The following DNAJB6 variants were observed in gnomAD, a reference collection of about 807,000 sequenced individuals.
The protein encoded by DNAJB6 is dnaJ homolog subfamily B member 6.
A neutral mutation model predicts 42.7 loss-of-function variants in DNAJB6; 16 were observed. That is an observed-to-expected ratio of 0.37 (90% CI 0.25 to 0.57). The LOEUF (loss-of-function observed/expected upper bound fraction) is 0.57, where lower values mean the gene tolerates loss of function less well. Ranked by LOEUF, DNAJB6 falls within the 20% of genes least tolerant of loss-of-function variation. The pLI, the probability that DNAJB6 is intolerant of heterozygous loss-of-function variation, is 0.74. For missense variants in DNAJB6, 347 were observed against 416.8 expected (o/e 0.83, Z 1.46); for synonymous variants, 170 against 163.5 (o/e 1.04, Z -0.30).
chr7:157,410,775 T>G (rs1223837518), intron 9 of DNAJB6: 2 of 152,200 alleles, frequency 1.3e-5, no homozygotes, highest in African/African-American at 4.8e-5. Flanking sequence ...ATCCCTGGGT[T>G]TGGGGGACCG....
At chr7:157,371,122 A>G (rs1800188452) in intron 5 of DNAJB6, among the ~76,000 whole-genome samples, 1 of 152,170 alleles carries the variant, frequency 6.6e-6, no homozygotes, top group Admixed American at 6.5e-5. Context: ...TAGGTTGCGC[A>G]TTCCTCATCA....
At chr7:157,405,309 T>C (rs548580570) in intron 8 of DNAJB6, among the ~76,000 whole-genome samples, 1 of 152,100 alleles carries the variant, frequency 6.6e-6, no homozygotes, top group East Asian at 1.9e-4. Context: ...GTGTGCTGAG[T>C]TGTGTGTTCC....
At chr7:157,340,720 A>G (rs1333209879) in intron 1 of DNAJB6, among the ~76,000 whole-genome samples, 1 of 152,208 alleles carries the variant, frequency 6.6e-6, no homozygotes, top group African/African-American at 2.4e-5. Context: ...TCTGTGTCCC[A>G]GGCTGGAGTG....
intron 1 of DNAJB6, among the ~76,000 whole-genome samples, chr7:157,357,288 G>GTCCTTCCTTCCT (rs71717756): frequency 1.6e-4 from 5 of 32,170 alleles, no homozygotes; most frequent in Admixed American, 4.4e-4. Flanking sequence ...CCTTCCTTCC[G>GTCCTTCCTTCCT]TCCTTCCTTC....
intron 2 of DNAJB6, among the ~76,000 whole-genome samples, chr7:157,362,322 A>T (rs1563122258): frequency 6.6e-6 from 1 of 152,084 alleles, no homozygotes; most frequent in Non-Finnish European, 1.5e-5. Flanking sequence ...ACATGGAAGG[A>T]TATGAATGGT....
At chr7:157,403,595 C>G (rs1795621614) in intron 8 of DNAJB6, among the ~76,000 whole-genome samples, 1 of 152,226 alleles carries the variant, frequency 6.6e-6, no homozygotes, top group Non-Finnish European at 1.5e-5. Flanking sequence ...GCTCAGCCTC[C>G]TGAGTAGCTG....
At chr7:157,384,625 A>G (rs1398707831) in intron 6 of DNAJB6, among the ~76,000 whole-genome samples, 1 of 152,110 alleles carries the variant, frequency 6.6e-6, no homozygotes, top group Non-Finnish European at 1.5e-5. Context: ...GCATGAGGAG[A>G]GGGGGAGGGG....
chr7:157,343,980 A>G (rs1422754839), intron 1 of DNAJB6, among the ~76,000 whole-genome samples: 1 of 152,138 alleles, frequency 6.6e-6, no homozygotes, highest in Non-Finnish European at 1.5e-5. Context: ...AAAGTTTTCT[A>G]TGGCTTCCTT....
At position 157,415,864 on chromosome 7, in the gene DNAJB6, G is replaced by A. The variant is rs7799029; in HGVS notation, c.899-152G>A. 125 of 1,393,648 alleles carry A rather than the reference G, an allele frequency of 9.0e-5. No homozygotes were observed. The African/African-American group carries it at 1.4e-3, about 15-fold the overall frequency. 86.3% of individuals were successfully genotyped at this position (1,393,648 alleles called of 1,614,324 possible). On this transcript the variant is annotated intron_variant, in intron 9 of 9. Transcript: ENST00000262177. ...GTTCTCAACGTGCACCTTGGAAAGC[G>A]CCCGTTTTGAGGTTTAGCTGTGGCC...
intron 9 of DNAJB6, chr7:157,410,956 C>T (rs1238849520): frequency 6.6e-6 from 1 of 152,166 alleles, no homozygotes; most frequent in Non-Finnish European, 1.5e-5. Context: ...GTTACGCTTC[C>T]GAGGAGGACG....
In DNAJB6 at chr7:157,365,986, T is replaced by C. The variant is rs368197453; in HGVS notation, c.176-516T>C. Among the ~76,000 whole-genome samples, 18 of 149,702 alleles carry C rather than the reference T, an allele frequency of 1.2e-4. No individual in the cohort carries two copies. In the East Asian group the frequency reaches 3.4e-3, roughly 28 times the overall value. ...GCTAAGTCCCCCCCGCGCCTACTCTTGTTGCCCAGGCTGGAGTGCAATGGC... is the reference window on the plus strand; with the variant it reads ...GCTAAGTCCCCCCCGCGCCTACTCTCGTTGCCCAGGCTGGAGTGCAATGGC... On this transcript the variant is annotated intron_variant, in intron 3 of 9. Transcript: ENST00000262177.
rs149945175 is a variant in DNAJB6, at chr7:157,387,136, C to A, written c.691+1525C>A. 2.5e-3 allele frequency among the ~76,000 whole-genome samples: 374 copies of A among 152,276 alleles called. 3 individuals carry two copies. Among genetic ancestry groups the A allele is most frequent in the Admixed American group, 0.019 (288 of 15,296 alleles). On this transcript the variant is annotated intron_variant, in intron 8 of 9. Transcript: ENST00000262177. ...GAGGGCATAGAGATTGCTCGGGATA[C>A]GCCAGAGCCCTTAAGCAACCTCACG... is the stretch of plus-strand genomic sequence containing the variant.
rs1198683445 is a variant in DNAJB6 at position 157,349,921 on chromosome 7, A to T, written c.-26-8626A>T. Among the ~76,000 whole-genome samples the T allele has an allele frequency of 2.0e-5, 3 of 152,186 alleles. No homozygotes were observed. In the East Asian group the frequency reaches 5.8e-4, roughly 29 times the overall value. On this transcript the variant is annotated intron_variant, in intron 1 of 9. Transcript: ENST00000262177. Reference sequence around the variant, plus strand: ...GCCTCCCAGAGTGGTGGGATTTCAGACATGAGCCACCGCGCCTGGCCAACG... The same window carrying T: ...GCCTCCCAGAGTGGTGGGATTTCAGTCATGAGCCACCGCGCCTGGCCAACG...
chr7:157,363,155 T>G lies in DNAJB6; in HGVS notation c.66-6T>G, dbSNP rs747585188. ...AATGTGATCTATATCCTTTATTCTTTCCAAGATATCGGAAACTGGCACTGA... is the reference window on the plus strand; with the variant it reads ...AATGTGATCTATATCCTTTATTCTTGCCAAGATATCGGAAACTGGCACTGA... On this transcript the variant is annotated splice_region_variant and splice_polypyrimidine_tract_variant and intron_variant, in intron 2 of 9. Transcript: ENST00000262177. 1.3e-6 allele frequency: 2 copies of G among 1,583,168 alleles called. No homozygotes were observed. Among genetic ancestry groups the G allele is most frequent in the Non-Finnish European group, 1.7e-6 (2 of 1,157,360 alleles).
chr7:157,341,756 C>G (rs915968311), intron 1 of DNAJB6, among the ~76,000 whole-genome samples: 1 of 152,152 alleles, frequency 6.6e-6, no homozygotes, highest in African/African-American at 2.4e-5. Flanking sequence ...GAATTAGATT[C>G]TTTCTAGTTT....
chr7:157,389,684 TAC>T (rs1484785444), intron 8 of DNAJB6, among the ~76,000 whole-genome samples: 1 of 152,230 alleles, frequency 6.6e-6, no homozygotes, highest in African/African-American at 2.4e-5. Flanking sequence ...GTCATTTGGC[TAC>T]GTTATTTCGT....
chr7:157,386,389 C>T, intron 8 of DNAJB6: 5 of 878,320 alleles, frequency 5.7e-6, no homozygotes, highest in Non-Finnish European at 6.8e-6. Context: ...GCGTTTCGTG[C>T]TGTTCATTCA....
intron 8 of DNAJB6, among the ~76,000 whole-genome samples, chr7:157,406,107 CAACT>C (rs1245689619): frequency 1.3e-5 from 2 of 152,236 alleles, no homozygotes; most frequent in Non-Finnish European, 2.9e-5. Flanking sequence ...CTGTTCAGAC[CAACT>C]GTGTGTCCCT....
chr7:157,341,193 C>G (rs1039752068), intron 1 of DNAJB6, among the ~76,000 whole-genome samples: 1 of 152,048 alleles, frequency 6.6e-6, no homozygotes, highest in African/African-American at 2.4e-5. Context: ...GGCGCCATCT[C>G]GGCTCACTGC....
Sources: allele counts gnomAD v4.1 joint callset (sites outside exome capture counted in the v4.1 genomes callset), GRCh38; gene constraint gnomAD v4.1.1; transcripts MANE v1.5; gene names NCBI Gene and HGNC (gene_info 2026-07-23, HGNC 2026-07-21).